The following A2M variants were observed in gnomAD, a reference collection of about 807,000 sequenced individuals.
A2M encodes the protein alpha-2-macroglobulin, also known as C3 and PZP-like alpha-2-macroglobulin domain-containing protein 5.
Under a neutral mutation model 183.9 loss-of-function variants are expected in A2M, and 128 were observed. The ratio of observed to expected loss-of-function variants is 0.70; its 90% CI spans 0.60 to 0.81. A2M has a LOEUF of 0.81. Among genes scored for constraint, A2M ranks in the 30% least tolerant of loss-of-function variants. A2M has a pLI of 0.00. For synonymous variants in A2M, 592 were observed against 670.8 expected, an observed-to-expected ratio of 0.88 and a Z score of 1.81; for missense variants, 1,495 against 1,787.6, an observed-to-expected ratio of 0.84 and a Z score of 2.95.
intron 18 of A2M, among the ~76,000 whole-genome samples, 159 bp downstream of exon 18, chr12:9,093,306 A>G (rs1042758420): frequency 3.3e-5 from 5 of 152,202 alleles, no homozygotes; most frequent in African/African-American, 1.2e-4. Context: ...GCTTGACTGT[A>G]GTAATCATTT....
At position 9,077,360 on chromosome 12, in the gene A2M, G is replaced by GA. The variant is rs1366654604; in HGVS notation, c.3336dup (p.Pro1113SerfsTer47). On this transcript the variant is annotated frameshift_variant, in exon 27 of 36. Transcript: ENST00000318602. LOFTEE classifies it high-confidence loss of function. ...GTGGTACCTACAGTGACTGTGAGAGGAATCTCCAGAAGGGCGATGGTGATA... is the reference window on the plus strand; with the variant it reads ...GTGGTACCTACAGTGACTGTGAGAGGAAATCTCCAGAAGGGCGATGGTGATA... 1 of 1,613,284 alleles carries GA rather than the reference G, an allele frequency of 6.2e-7. No homozygotes were observed. The highest frequency in any genetic ancestry group is 1.3e-5 in the African/African-American group (1 of 74,914).
intron 1 of A2M, chr12:9,115,547 C>T: frequency 2.1e-6 from 1 of 470,750 alleles, no homozygotes; most frequent in East Asian, 3.7e-5. Flanking sequence ...TCTGACACCC[C>T]TTAGGAAGGC....
intron 1 of A2M, 116 bp downstream of exon 1, chr12:9,115,648 C>A: frequency 1.3e-6 from 1 of 763,028 alleles, no homozygotes; most frequent in Non-Finnish European, 2.2e-6. Context: ...TGGAAGGAAT[C>A]TTAGAGATAA....
chr12:9,069,656 A>T lies in A2M; in HGVS notation c.4263+89T>A. The T allele has an allele frequency of 5.6e-6, 5 of 890,358 alleles. No homozygotes were observed. In the South Asian group the frequency reaches 9.3e-5, roughly 17 times the overall value. The allele number at this position is 890,358 out of a possible 1,614,324, so 55.2% of individuals were successfully genotyped here. The stretch of plus-strand genomic sequence containing the variant: ...TTCTCAAATTTCTAGCATGGAAGTG[A>T]TGTTTCTAAAATGCATTTACCTTCC... On this transcript the variant is annotated intron_variant, in intron 33 of 35. Transcript: ENST00000318602.
chr12:9,115,691 A>G (rs1412633262), intron 1 of A2M, 73 bp downstream of exon 1: 1 of 1,126,812 alleles, frequency 8.9e-7, no homozygotes, highest in Admixed American at 1.8e-5. Context: ...AGAAAAAGGA[A>G]TGATATAAAG....
intron 31 of A2M, among the ~76,000 whole-genome samples, chr12:9,071,347 G>A (rs148586509): frequency 3.3e-5 from 5 of 152,010 alleles, no homozygotes; most frequent in African/African-American, 1.2e-4. Context: ...AACACCTAGC[G>A]TCTTGTCCCC....
At chr12:9,110,282 C>T in intron 5 of A2M, 32 bp downstream of exon 5, 2 of 1,442,938 alleles carry the variant, frequency 1.4e-6, no homozygotes, top group South Asian at 2.6e-5. Flanking sequence ...GTATTGCTTT[C>T]CTTTTAATAT....
intron 23 of A2M, 138 bp from the exon 24 acceptor site, chr12:9,079,953 T>A: frequency 2.0e-6 from 2 of 1,019,492 alleles, no homozygotes; most frequent in African/African-American, 1.6e-5. Flanking sequence ...GAAGTATGAT[T>A]GAAAGCAATA....
rs749050419 is a variant in A2M, at chr12:9,099,475, G to A, written c.1607C>T (p.Pro536Leu). 4 of 1,610,002 alleles carry A rather than the reference G, an allele frequency of 2.5e-6. No individual in the cohort carries two copies. The highest frequency in any genetic ancestry group is 3.4e-6 in the Non-Finnish European group (4 of 1,178,244). The change falls in exon 14 of 36, where the codon CCT becomes CTT. Residue 536 changes from proline to leucine, a missense_variant. Coordinates refer to ENST00000318602, the MANE Select transcript of A2M (RefSeq NM_000014.6). Reference protein sequence around the residue: ...ISIPVKSDIAPVARLLIYAVL... With the variant: ...ISIPVKSDIALVARLLIYAVL... Reference sequence around the variant, plus strand: ...AGCATAGATGAGCAACCGAGCGACAGGAGCAATGTCTGACTTCACAGGGAT... The same window carrying A: ...AGCATAGATGAGCAACCGAGCGACAAGAGCAATGTCTGACTTCACAGGGAT...
At chr12:9,108,007 T>C (rs1938437166) in intron 7 of A2M, among the ~76,000 whole-genome samples, 1 of 152,088 alleles carries the variant, frequency 6.6e-6, no homozygotes. Flanking sequence ...CGCCCTCAAG[T>C]CTACCTAGGA....
chr12:9,106,732 C>A (rs1004996614), intron 8 of A2M, 127 bp from the exon 9 acceptor site: 1 of 441,604 alleles, frequency 2.3e-6, no homozygotes, highest in Non-Finnish European at 3.8e-6. Context: ...GACGAGGACA[C>A]AATAAATATT....
chr12:9,079,682 A>G lies in A2M; in HGVS notation c.2988T>C (p.Leu996=), dbSNP rs1948850334. The change falls in exon 24 of 36, where the codon CTT becomes CTC. Residue 996 remains leucine (L), a synonymous_variant. Transcript: ENST00000318602. ...TGGCCTTGGACTTGATCTCTGGAGT[A>G]AGCTGCTGTGTTTCATTTAGATAAT... ...VLDYLNETQQ[L]TPEIKSKAIG... The G allele has an allele frequency of 1.2e-6, 2 of 1,613,608 alleles. No homozygotes were observed. Among genetic ancestry groups the G allele is most frequent in the Non-Finnish European group, 1.7e-6 (2 of 1,179,740 alleles).
rs1226048462 is a variant in A2M at position 9,110,845 on chromosome 12, G to A, written c.484-511C>T. ...CTATTTTAAGCAATTAATAAATAAT[G>A]TTAAGAACTTACTAGGCCTTCAGCA... On this transcript the variant is annotated intron_variant, in intron 4 of 35. Transcript: ENST00000318602. 2.0e-5 allele frequency among the ~76,000 whole-genome samples: 3 copies of A among 152,060 alleles called. No homozygotes were observed. In the South Asian group the frequency reaches 6.2e-4, roughly 31 times the overall value.
chr12:9,074,380 C>T (rs1227703236), intron 29 of A2M, among the ~76,000 whole-genome samples, 180 bp downstream of exon 29: 1 of 152,176 alleles, frequency 6.6e-6, no homozygotes, highest in Non-Finnish European at 1.5e-5. Flanking sequence ...TGAGCATTTC[C>T]TTTTGGCCCT....
Position 9,110,021 on chromosome 12 carries a change from A to G in A2M, c.519T>C (p.Asn173=). The G allele has an allele frequency of 6.2e-7, 1 of 1,611,500 alleles. No individual in the cohort carries two copies. Among genetic ancestry groups the G allele is most frequent in the Non-Finnish European group, 8.5e-7 (1 of 1,179,120 alleles). ...PLVYIQDPKG[N]RIAQWQSFQL... is the part of the protein sequence containing the mutation. ...GGAAACTCTGCCATTGTGCGATGCGATTTCCTTTGGGATCCTATATGAGTA... is the reference window on the plus strand; with the variant it reads ...GGAAACTCTGCCATTGTGCGATGCGGTTTCCTTTGGGATCCTATATGAGTA... The change falls in exon 6 of 36, where the codon AAT becomes AAC. Residue 173 remains asparagine (N), a synonymous_variant. Coordinates refer to ENST00000318602, the MANE Select transcript of A2M (RefSeq NM_000014.6).
intron 28 of A2M, among the ~76,000 whole-genome samples, 185 bp downstream of exon 28, chr12:9,076,571 C>G (rs1256217770): frequency 6.6e-6 from 1 of 152,136 alleles, no homozygotes; most frequent in East Asian, 1.9e-4. Flanking sequence ...GGCCTCTTGT[C>G]TTCTGATTTC....
chr12:9,102,491 C>T (rs1478188349), intron 11 of A2M, among the ~76,000 whole-genome samples: 9 of 152,210 alleles, frequency 5.9e-5, no homozygotes, highest in African/African-American at 1.9e-4. Context: ...GCTGGGATTA[C>T]AGGCGTGAGC....
At chr12:9,074,114 T>C (rs951107267) in intron 29 of A2M, among the ~76,000 whole-genome samples, 1 of 136,652 alleles carries the variant, frequency 7.3e-6, no homozygotes, top group South Asian at 2.3e-4. Context: ...AAAAGGTGAA[T>C]AGGGGAAGCA....
In A2M at chr12:9,079,946, G is replaced by C. The variant is rs1037745411; in HGVS notation, c.2855-131C>G. On this transcript the variant is annotated intron_variant, in intron 23 of 35. Coordinates refer to ENST00000318602, the MANE Select transcript of A2M (RefSeq NM_000014.6). Reference sequence around the variant, plus strand: ...AAGGATGATTCTTCCAGGGATAGAAGTATGATTGAAAGCAATAAACAAGCC... The same window carrying C: ...AAGGATGATTCTTCCAGGGATAGAACTATGATTGAAAGCAATAAACAAGCC... 5 of 1,047,234 alleles carry C rather than the reference G, an allele frequency of 4.8e-6. No homozygotes were observed. In the Admixed American group the frequency reaches 1.6e-4, roughly 33 times the overall value. The allele number at this position is 1,047,234 out of a possible 1,614,324, so 64.9% of individuals were successfully genotyped here.
Sources: allele counts gnomAD v4.1 joint callset (sites outside exome capture counted in the v4.1 genomes callset), GRCh38; gene constraint gnomAD v4.1.1; transcripts MANE v1.5; gene names NCBI Gene and HGNC (gene_info 2026-07-23, HGNC 2026-07-21).